CCDC74A: variants seen among roughly 807,000 people sequenced by gnomAD.
CCDC74A encodes coiled-coil domain containing 74A, also known as coiled-coil domain-containing protein 74A.
A neutral mutation model predicts 37.6 loss-of-function variants in CCDC74A; 38 were observed. That is an observed-to-expected ratio of 1.01 (90% confidence interval 0.78 to 1.33). The LOEUF (loss-of-function observed/expected upper bound fraction) is 1.33, where lower values mean the gene tolerates loss of function less well. Among genes scored for constraint, CCDC74A ranks in the 40% most tolerant of loss-of-function variants. The pLI, the probability that CCDC74A is intolerant of heterozygous loss-of-function variation, is 0.00. For missense variants in CCDC74A, 340 were observed against 403.4 expected, an observed-to-expected ratio of 0.84 and a Z score of 1.35; for synonymous variants, 134 against 165.2, an observed-to-expected ratio of 0.81 and a Z score of 1.45.
intron 5 of CCDC74A, 31 bp downstream of exon 5, chr2:131,532,812 G>T (rs1681588639): frequency 6.2e-7 from 1 of 1,612,886 alleles, no homozygotes; most frequent in Non-Finnish European, 8.5e-7. Context: ...GGTGGCCCTG[G>T]GCAGTCTGGC....
upstream of CCDC74A, among the ~76,000 whole-genome samples, chr2:131,526,146 CTTTTTTTTTT>C (rs369118247): frequency 7.9e-6 from 1 of 126,592 alleles, no homozygotes; most frequent in Non-Finnish European, 1.6e-5. Context: ...CTTTTTTTTC[CTTTTTTTTTT>C]TTTTTTCTGA....
upstream of CCDC74A, among the ~76,000 whole-genome samples, chr2:131,523,839 C>T (rs1680209522): frequency 6.6e-6 from 1 of 151,764 alleles, no homozygotes; most frequent in Admixed American, 6.6e-5. Flanking sequence ...CATACAGTTT[C>T]CTAAACACAC....
chr2:131,525,795 TGCAAGCTCCGCCTCCCGGGTTCAC>T (rs1173553776), upstream of CCDC74A, among the ~76,000 whole-genome samples: 1 of 140,602 alleles, frequency 7.1e-6, no homozygotes, highest in Non-Finnish European at 1.5e-5. Flanking sequence ...CTTGGCTCAC[TGCAAGCTCCGCCTCCCGGGTTCAC>T]GCCATTCTCC....
In CCDC74A at chr2:131,533,445, G is replaced by T. The variant is rs1681754393; in HGVS notation, c.*47G>T. On this transcript the variant is annotated 3_prime_UTR_variant, in exon 8 of 8. Transcript: ENST00000409856. ...CCAGGCCCACCAACCTGCAGCTGGA[G>T]ACTGGCTCTCTATAGCATTTCCTGA... 6.2e-7 allele frequency: 1 copy of T among 1,607,844 alleles called. No individual in the cohort carries two copies. Among genetic ancestry groups the T allele is most frequent in the South Asian group, 1.1e-5 (1 of 90,772 alleles).
At chr2:131,524,900 A>AT (rs970960954), upstream of CCDC74A, among the ~76,000 whole-genome samples, 1 of 151,514 alleles carries the variant, frequency 6.6e-6, no homozygotes, top group African/African-American at 2.4e-5. Flanking sequence ...AAAAAAAAAA[A>AT]AAAAAAAAAA....
At chr2:131,530,450 G>A in intron 2 of CCDC74A, 1 of 1,545,322 alleles carries the variant, frequency 6.5e-7, no homozygotes, top group Non-Finnish European at 8.7e-7. Flanking sequence ...GAGCTGTTCT[G>A]GGCAAAGTGT....
rs201257947 is a variant in CCDC74A at position 131,529,633 on chromosome 2, G to A, written c.251-14G>A. 2.8e-5 allele frequency: 45 copies of A among 1,613,890 alleles called. No individual in the cohort carries two copies. The highest frequency in any genetic ancestry group is 3.6e-5 in the Non-Finnish European group (42 of 1,179,866). ...GTTTCACAAGTGCTGAGGAGAGCGT[G>A]TGCTTGCTTTCAGATCTCCATTACA... is the stretch of plus-strand genomic sequence containing the variant. On this transcript the variant is annotated splice_polypyrimidine_tract_variant and intron_variant, in intron 1 of 7. Coordinates refer to ENST00000409856, the MANE Select transcript of CCDC74A (RefSeq NM_001258306.3).
upstream of CCDC74A, chr2:131,527,846 C>G (rs551904935): frequency 3.3e-5 from 45 of 1,372,834 alleles, no homozygotes; most frequent in African/African-American, 6.2e-4. Flanking sequence ...CGACAGGCCC[C>G]GCCCCCGCCA....
Position 131,532,663 on chromosome 2 carries a change from G to A in CCDC74A, c.560G>A (p.Gly187Glu), listed in dbSNP as rs755007478. 4 of 1,612,964 alleles carry A rather than the reference G, an allele frequency of 2.5e-6. No homozygotes were observed. The Admixed American group carries it at 6.7e-5, about 27-fold the overall frequency. ...AGCCAGCACCAGGGCAGGCAGATGG[G>A]GGCGGGGGCACACCCCCCAATGATC... ...GNSQHQGRQM[G>E]AGAHPPMILP... Residue 187 changes from glycine (G) to glutamate (E), a missense_variant, in exon 5 of 8, where the codon GGG becomes GAG. Gly to Glu is a moderately conservative substitution (Grantham distance 98, BLOSUM62 -2). Transcript: ENST00000409856.
chr2:131,533,335 T>A lies in CCDC74A; in HGVS notation c.876T>A (p.Phe292Leu). 1 of 1,613,536 alleles carries A rather than the reference T, an allele frequency of 6.2e-7. No homozygotes were observed. The highest frequency in any genetic ancestry group is 8.5e-7 in the Non-Finnish European group (1 of 1,179,966). The change falls in exon 8 of 8, where the codon TTT (phenylalanine) becomes TTA (leucine). Residue 292 changes from phenylalanine (F) to leucine (L), a missense_variant. Phe to Leu is a conservative substitution (Grantham distance 22, BLOSUM62 0). Around this residue, in one of 3 missense-constraint regions of CCDC74A, gnomAD observed 185 missense variants for 231.5 expected, o/e 0.80. Transcript: ENST00000409856. ...TGAAGCAGACCCCGAAGAACAACTT[T>A]GCCGAGAGGCAGAAGAGGCTGCAGG... Reference protein sequence around the residue: ...PALKQTPKNNFAERQKRLQAM... With the variant: ...PALKQTPKNNLAERQKRLQAM...
chr2:131,527,565 G>C (rs1433814697), upstream of CCDC74A: 1 of 186,478 alleles, frequency 5.4e-6, no homozygotes, highest in African/African-American at 2.4e-5. Flanking sequence ...GTGCGATCTC[G>C]ACTCACTGCA....
intron 2 of CCDC74A, chr2:131,530,011 G>C: frequency 2.6e-6 from 4 of 1,550,050 alleles, no homozygotes; most frequent in Non-Finnish European, 3.5e-6. Flanking sequence ...CCCCTGCCCT[G>C]CTAGATCTTT....
upstream of CCDC74A, among the ~76,000 whole-genome samples, chr2:131,525,163 T>C (rs1680254013): frequency 6.6e-6 from 1 of 152,166 alleles, no homozygotes; most frequent in Non-Finnish European, 1.5e-5. Context: ...CAAACTGTCA[T>C]CTGTTAAAAA....
chr2:131,525,919 C>T (rs1250770956), upstream of CCDC74A, among the ~76,000 whole-genome samples: 5 of 151,502 alleles, frequency 3.3e-5, no homozygotes, highest in East Asian at 1.9e-4. Flanking sequence ...GGGGTTTCAC[C>T]GTGTTAGCCA....
At chr2:131,527,599 A>C, upstream of CCDC74A, 1 of 219,246 alleles carries the variant, frequency 4.6e-6, no homozygotes, top group Non-Finnish European at 8.8e-6. Context: ...GGTTCAAGCT[A>C]TTCTCCTGCC....
At chr2:131,532,554 C>A in intron 4 of CCDC74A, 35 bp from the exon 5 acceptor site, 3 of 1,522,976 alleles carry the variant, frequency 2.0e-6, no homozygotes, top group East Asian at 4.5e-5. Context: ...CGCACCTGGG[C>A]AGGTCACCTC....
rs371429059 is a variant in CCDC74A, at chr2:131,530,772, T to A, written c.296-5T>A. ...GTAGCGCCGACACTGTGCGCTCTCCTGCAGACAGCCTCTCCATGTCAAGCT... is the reference window on the plus strand; with the variant it reads ...GTAGCGCCGACACTGTGCGCTCTCCAGCAGACAGCCTCTCCATGTCAAGCT... On this transcript the variant is annotated splice_polypyrimidine_tract_variant and splice_region_variant and intron_variant, in intron 2 of 7. Coordinates refer to ENST00000409856, the MANE Select transcript of CCDC74A (RefSeq NM_001258306.3). 18 of 1,612,228 alleles carry A rather than the reference T, an allele frequency of 1.1e-5. No individual in the cohort carries two copies. Among genetic ancestry groups the A allele is most frequent in the Non-Finnish European group, 1.5e-5 (18 of 1,179,664 alleles).
At chr2:131,529,153 C>T (rs1680747319) in intron 1 of CCDC74A, 1 of 230,762 alleles carries the variant, frequency 4.3e-6, no homozygotes, top group Non-Finnish European at 8.7e-6. Flanking sequence ...GGCCTCCTCT[C>T]CCGCCCCGTT....
upstream of CCDC74A, among the ~76,000 whole-genome samples, chr2:131,526,040 T>C (rs1363640403): frequency 2.0e-5 from 3 of 152,008 alleles, no homozygotes; most frequent in Non-Finnish European, 4.4e-5. Flanking sequence ...GGTCTTGAAC[T>C]CCTGACCTCA....
Sources: gnomAD v4.1 joint callset for allele counts (sites outside exome capture counted in the v4.1 genomes callset) on GRCh38, gnomAD v4.1.1 for gene constraint, gnomAD v4.1.1 regional missense constraint, MANE v1.5 for transcripts, NCBI Gene and HGNC (gene_info 2026-07-23, HGNC 2026-07-21) for gene names.